BMPR1B: variants seen among roughly 807,000 people sequenced by gnomAD.
The protein encoded by BMPR1B is bone morphogenetic protein receptor type 1B, also known as bone morphogenetic protein receptor type-1B.
A neutral mutation model predicts 59.1 loss-of-function variants in BMPR1B; 12 were observed. The observed-to-expected ratio is 0.20, with a 90% CI of 0.13 to 0.33. BMPR1B has a LOEUF of 0.33. BMPR1B is among the 10% of genes least tolerant of loss of function. The pLI, the probability that BMPR1B is intolerant of heterozygous loss-of-function variation, is 1.00. For missense variants in BMPR1B, 550 were observed against 610.9 expected (o/e 0.90, Z 1.05); for synonymous variants, 237 against 207.3 (o/e 1.14, Z -1.23).
chr4:95,010,176 A>G (rs569999603), intron 3 of BMPR1B, among the ~76,000 whole-genome samples: 29 of 152,284 alleles, frequency 1.9e-4, no homozygotes, highest in Middle Eastern at 3.4e-3. Context: ...AAAGATGGGT[A>G]CTTTACATTT....
intron 3 of BMPR1B, among the ~76,000 whole-genome samples, chr4:95,004,355 T>G (rs1722669846): frequency 6.6e-6 from 1 of 152,198 alleles, no homozygotes; most frequent in Admixed American, 6.5e-5. Context: ...TGTACTTCAT[T>G]TTGTTTTATA....
At chr4:94,966,702 TATTCTCA>T (rs1433636290) in intron 2 of BMPR1B, among the ~76,000 whole-genome samples, 1 of 152,202 alleles carries the variant, frequency 6.6e-6, no homozygotes, top group Non-Finnish European at 1.5e-5. Context: ...TATTTGTAAA[TATTCTCA>T]AGAGAGTTTA....
chr4:95,113,801 T>C (rs1375468107), intron 4 of BMPR1B, among the ~76,000 whole-genome samples: 1 of 152,136 alleles, frequency 6.6e-6, no homozygotes. Context: ...AAGGCCCAGT[T>C]CCATAACTGT....
intron 2 of BMPR1B, among the ~76,000 whole-genome samples, chr4:94,893,761 A>G (rs963730373): frequency 6.7e-6 from 1 of 148,936 alleles, no homozygotes; most frequent in Non-Finnish European, 1.5e-5. Context: ...GGCAAAATGT[A>G]AATGGATGAT....
At chr4:94,903,149 C>A (rs1222170958) in intron 2 of BMPR1B, among the ~76,000 whole-genome samples, 1 of 151,978 alleles carries the variant, frequency 6.6e-6, no homozygotes, top group African/African-American at 2.4e-5. Flanking sequence ...TAATTAGATG[C>A]TTCTATATTA....
chr4:95,151,146 G>T (rs1014120371), intron 11 of BMPR1B, among the ~76,000 whole-genome samples: 8 of 152,212 alleles, frequency 5.3e-5, no homozygotes, highest in Non-Finnish European at 1.0e-4. Flanking sequence ...AGACAGAAAG[G>T]TTTGAGGTTT....
intron 3 of BMPR1B, among the ~76,000 whole-genome samples, chr4:95,104,057 T>C (rs1241872370): frequency 6.6e-6 from 1 of 151,894 alleles, no homozygotes; most frequent in Non-Finnish European, 1.5e-5. Context: ...CTTAATTTTC[T>C]CATCTGAGAA....
chr4:95,033,944 A>G (rs17022918), intron 3 of BMPR1B, among the ~76,000 whole-genome samples: 16,995 of 152,132 alleles, frequency 0.11, 1,354 homozygotes, highest in East Asian at 0.29. Context: ...CAGAAGAGGA[A>G]GCAATTATTT....
chr4:95,075,394 A>G (rs949456776), intron 3 of BMPR1B, among the ~76,000 whole-genome samples: 1 of 152,168 alleles, frequency 6.6e-6, no homozygotes, highest in South Asian at 2.1e-4. Context: ...TTTTAGATGC[A>G]TGATAGCGGT....
intron 1 of BMPR1B, among the ~76,000 whole-genome samples, chr4:94,761,270 C>T (rs1721751893): frequency 6.6e-6 from 1 of 152,126 alleles, no homozygotes; most frequent in Admixed American, 6.5e-5. Flanking sequence ...ATGGAGGTAA[C>T]ACCGATCTTT....
intron 3 of BMPR1B, among the ~76,000 whole-genome samples, chr4:95,032,847 A>G (rs1274701539): frequency 6.6e-6 from 1 of 152,178 alleles, no homozygotes; most frequent in African/African-American, 2.4e-5. Flanking sequence ...ACATGGGCAT[A>G]CAAATAGGTC....
At chr4:95,062,524 T>C (rs933115495) in intron 3 of BMPR1B, among the ~76,000 whole-genome samples, 1 of 152,170 alleles carries the variant, frequency 6.6e-6, no homozygotes, top group Non-Finnish European at 1.5e-5. Flanking sequence ...GATTGAAGAA[T>C]GGAGCATCTT....
intron 1 of BMPR1B, among the ~76,000 whole-genome samples, chr4:94,848,336 T>A (rs1725423234): frequency 6.6e-6 from 1 of 152,204 alleles, no homozygotes; most frequent in Admixed American, 6.5e-5. Context: ...AAATGGGGGA[T>A]AAATGGTTAT....
chr4:94,867,780 T>C (rs981827719), intron 1 of BMPR1B, among the ~76,000 whole-genome samples: 3 of 152,218 alleles, frequency 2.0e-5, no homozygotes, highest in African/African-American at 7.2e-5. Context: ...ATTGACACAT[T>C]GCCCAGTAAA....
intron 2 of BMPR1B, among the ~76,000 whole-genome samples, chr4:94,978,590 C>A (rs1731115437): frequency 6.6e-6 from 1 of 152,118 alleles, no homozygotes; most frequent in Admixed American, 6.5e-5. Context: ...CTTTCACACA[C>A]CAAACATTTA....
intron 3 of BMPR1B, among the ~76,000 whole-genome samples, chr4:95,068,623 T>C (rs902636763): frequency 6.6e-6 from 1 of 152,200 alleles, no homozygotes; most frequent in Non-Finnish European, 1.5e-5. Context: ...CAGTGGGGGA[T>C]AGGAACTGAG....
intron 1 of BMPR1B, among the ~76,000 whole-genome samples, chr4:94,846,713 ATATATCTATATATC>A (rs60284406): frequency 0.61 from 92,316 of 150,882 alleles, 29,244 homozygotes; most frequent in African/African-American, 0.78. Context: ...ATATGTATCT[ATATATCTATATATC>A]TATATCTATA....
chr4:95,048,875 A>AT (rs1358650253), intron 3 of BMPR1B, among the ~76,000 whole-genome samples: 14 of 152,200 alleles, frequency 9.2e-5, no homozygotes. Flanking sequence ...GGGGCCTAAT[A>AT]TGCCATTTAT....
chr4:94,817,503 C>T (rs1263446953), intron 1 of BMPR1B, among the ~76,000 whole-genome samples: 1 of 152,064 alleles, frequency 6.6e-6, no homozygotes, highest in East Asian at 1.9e-4. Context: ...GGCGTATTAG[C>T]CTTAGAGCCT....
Sources: gnomAD v4.1 joint callset for allele counts (sites outside exome capture counted in the v4.1 genomes callset) on GRCh38, gnomAD v4.1.1 for gene constraint, MANE v1.5 for transcripts, NCBI Gene and HGNC (gene_info 2026-07-23, HGNC 2026-07-21) for gene names.